Variants in PPFIA3 observed in about 807,000 individuals in gnomAD.
The protein encoded by PPFIA3 is PPFI scaffold protein A3.
In PPFIA3, 26 loss-of-function variants were observed where a neutral mutation model predicts 145.8. The ratio of observed to expected loss-of-function variants is 0.18; its 90% confidence interval spans 0.13 to 0.25. The LOEUF (loss-of-function observed/expected upper bound fraction) is 0.25, where lower values mean the gene tolerates loss of function less well. PPFIA3 is among the 10% of genes least tolerant of loss of function. The pLI is 1.00. For synonymous variants in PPFIA3, 645 were observed against 661.4 expected (o/e 0.98, Z 0.38); for missense variants, 1,008 against 1,587.8 (o/e 0.63, Z 6.21).
Position 49,149,833 on chromosome 19 carries a change from A to T in PPFIA3, c.3526+115A>T, listed in dbSNP as rs1356524704. 7.6e-7 allele frequency: 1 copy of T among 1,321,468 alleles called. No homozygotes were observed. The highest frequency in any genetic ancestry group is 1.5e-5 in the African/African-American group (1 of 67,972). The allele number at this position is 1,321,468 out of a possible 1,614,324, so 81.9% of individuals were successfully genotyped here. ...GTCCTTTCTCGCCCACCCCTGAGGA[A>T]TGGACTGCTCCAACGTTCCGGACTC... On this transcript the variant is annotated intron_variant, in intron 28 of 29. Coordinates refer to ENST00000334186, the MANE Select transcript of PPFIA3 (RefSeq NM_003660.4). The surrounding 1 kb of genome is among the most constrained non-coding windows in gnomAD (Gnocchi z 5.7).
chr19:49,150,129 T>C lies in PPFIA3; in HGVS notation c.3576T>C (p.Tyr1192=). The C allele has an allele frequency of 6.2e-7, 1 of 1,610,362 alleles. No individual in the cohort carries two copies. The highest frequency in any genetic ancestry group is 8.5e-7 in the Non-Finnish European group (1 of 1,178,714). ...CAGACGGCGTTTCGGTCCGGACCTATTCCTGCTAGTGCAGGCCTCCAGGTG... is the reference window on the plus strand; with the variant it reads ...CAGACGGCGTTTCGGTCCGGACCTACTCCTGCTAGTGCAGGCCTCCAGGTG... The part of the protein sequence containing the change: ...SRADGVSVRT[Y]SC Residue 1192 remains tyrosine (Y), a synonymous_variant, in exon 29 of 30, where the codon TAT becomes TAC. Coordinates refer to ENST00000334186, the MANE Select transcript of PPFIA3 (RefSeq NM_003660.4).
intron 7 of PPFIA3, among the ~76,000 whole-genome samples, chr19:49,131,685 G>C (rs968205307): frequency 6.6e-6 from 1 of 151,852 alleles, no homozygotes; most frequent in African/African-American, 2.4e-5. Flanking sequence ...AGCCGGGCGT[G>C]GTGGTGGGTG....
At chr19:49,131,692 G>A (rs1361028900) in intron 7 of PPFIA3, among the ~76,000 whole-genome samples, 1 of 151,732 alleles carries the variant, frequency 6.6e-6, no homozygotes, top group African/African-American at 2.4e-5. Context: ...CGTGGTGGTG[G>A]GTGCCTTTAG....
intron 22 of PPFIA3, 68 bp downstream of exon 22, chr19:49,146,073 A>C: frequency 6.2e-7 from 1 of 1,607,458 alleles, no homozygotes; most frequent in Non-Finnish European, 8.5e-7. Context: ...GCGGGGACCG[A>C]GTCTGTGGCC....
chr19:49,134,264 G>A, intron 11 of PPFIA3, 99 bp downstream of exon 11: 1 of 1,477,012 alleles, frequency 6.8e-7, no homozygotes, highest in Non-Finnish European at 9.1e-7. Flanking sequence ...TGTTATCGGA[G>A]GCCTCCCTAA....
chr19:49,132,104 A>G (rs995151368), intron 7 of PPFIA3, among the ~76,000 whole-genome samples: 8 of 151,252 alleles, frequency 5.3e-5, no homozygotes, highest in Non-Finnish European at 1.2e-4. Context: ...ACTGCACTCC[A>G]GCCAGAGTGC....
chr19:49,122,974 G>A (rs990513893), intron 1 of PPFIA3, among the ~76,000 whole-genome samples: 3 of 151,922 alleles, frequency 2.0e-5, no homozygotes, highest in Admixed American at 6.6e-5. Context: ...ACCTGCCTCT[G>A]CCTCCCAAAG....
At chr19:49,129,536 G>C in intron 5 of PPFIA3, 82 bp downstream of exon 5, 1 of 1,436,384 alleles carries the variant, frequency 7.0e-7, no homozygotes, top group Non-Finnish European at 9.5e-7. Flanking sequence ...CGGTTGGGTG[G>C]GTTCCAGAGA....
At position 49,133,227 on chromosome 19, in the gene PPFIA3, C is replaced by T. The variant is rs1435748861; in HGVS notation, c.1027-10C>T. 1 of 1,597,684 alleles carries T rather than the reference C, an allele frequency of 6.3e-7. No homozygotes were observed. The highest frequency in any genetic ancestry group is 8.5e-7 in the Non-Finnish European group (1 of 1,170,688). ...AGCCCGTCCCCTCCCCCTGCCTCTC[C>T]CTCCCCCAGAGTGAAGAGAAGAGCC... On this transcript the variant is annotated splice_polypyrimidine_tract_variant and intron_variant, in intron 8 of 29. Transcript: ENST00000334186. This position sits in a 1 kb window ranked among gnomAD's most constrained non-coding sequence, Gnocchi z 7.2.
chr19:49,127,246 G>C (rs1000394593), intron 1 of PPFIA3, among the ~76,000 whole-genome samples: 6 of 151,696 alleles, frequency 4.0e-5, no homozygotes, highest in Non-Finnish European at 7.4e-5. Context: ...GCTGGGCATG[G>C]TGGCGGGTTC....
chr19:49,148,613 C>A, intron 24 of PPFIA3, 53 bp from the exon 25 acceptor site: 1 of 1,385,872 alleles, frequency 7.2e-7, no homozygotes, highest in Non-Finnish European at 1.0e-6. Flanking sequence ...GTAGGAGCAG[C>A]AGTCTAGGGG....
In PPFIA3 at chr19:49,149,803, G is replaced by A; in HGVS notation, c.3526+85G>A. ...CCTCAGTAGTCCGGGTTCTGGAATGGCCTAGTCCTTTCTCGCCCACCCCTG... is the reference window on the plus strand; with the variant it reads ...CCTCAGTAGTCCGGGTTCTGGAATGACCTAGTCCTTTCTCGCCCACCCCTG... On this transcript the variant is annotated intron_variant, in intron 28 of 29. Transcript: ENST00000334186. This position sits in a 1 kb window ranked among gnomAD's most constrained non-coding sequence, Gnocchi z 5.7. The A allele has an allele frequency of 2.0e-6, 3 of 1,478,166 alleles. No individual in the cohort carries two copies. In the South Asian group the frequency reaches 4.0e-5, roughly 20 times the overall value. The allele number at this position is 1,478,166 out of a possible 1,614,324, so 91.6% of individuals were successfully genotyped here.
Position 49,150,163 on chromosome 19 carries a change from G to A in PPFIA3, c.*13+12G>A, listed in dbSNP as rs1219449090. On this transcript the variant is annotated intron_variant, in intron 29 of 29. Transcript: ENST00000334186. Reference sequence around the variant, plus strand: ...GTGCAGGCCTCCAGGTGAGGACCGTGCTGGGCGACCTTGGGGGTGCGGGGC... The same window carrying A: ...GTGCAGGCCTCCAGGTGAGGACCGTACTGGGCGACCTTGGGGGTGCGGGGC... The A allele has an allele frequency of 1.9e-6, 3 of 1,601,166 alleles. No homozygotes were observed. Among genetic ancestry groups the A allele is most frequent in the African/African-American group, 2.7e-5 (2 of 74,996 alleles).
In PPFIA3 at chr19:49,149,348, G is replaced by A. The variant is rs776934365; in HGVS notation, c.3354+23G>A. The A allele has an allele frequency of 8.1e-6, 13 of 1,613,242 alleles. No individual in the cohort carries two copies. Among genetic ancestry groups the A allele is most frequent in the African/African-American group, 1.3e-5 (1 of 74,898 alleles). Reference sequence around the variant, plus strand: ...GAGGTGGGCGCGGCAACAGCTCAGAGGGCTCTGCTCCCAGCGGCTCCTCGA... The same window carrying A: ...GAGGTGGGCGCGGCAACAGCTCAGAAGGCTCTGCTCCCAGCGGCTCCTCGA... On this transcript the variant is annotated intron_variant, in intron 27 of 29. Coordinates refer to ENST00000334186, the MANE Select transcript of PPFIA3 (RefSeq NM_003660.4). The surrounding 1 kb of genome is among the most constrained non-coding windows in gnomAD (Gnocchi z 5.7).
intron 18 of PPFIA3, among the ~76,000 whole-genome samples, chr19:49,141,165 C>G (rs1441191963): frequency 1.3e-5 from 2 of 152,276 alleles, no homozygotes; most frequent in African/African-American, 4.8e-5. Context: ...TTCTGCCTCC[C>G]CAAGGAGCCG....
chr19:49,138,458 AGG>A, intron 16 of PPFIA3, 31 bp downstream of exon 16: 1 of 1,475,018 alleles, frequency 6.8e-7, no homozygotes, highest in Non-Finnish European at 9.0e-7. Context: ...CCAGCCTAGT[AGG>A]GGGATGGGGA....
At chr19:49,129,955 G>A in intron 5 of PPFIA3, 38 bp from the exon 6 acceptor site, 2 of 1,600,924 alleles carry the variant, frequency 1.2e-6, no homozygotes, top group Non-Finnish European at 1.7e-6. Context: ...GGGGGTTCAG[G>A]GAGCCCCTGT....
intron 1 of PPFIA3, among the ~76,000 whole-genome samples, chr19:49,121,549 G>A (rs983961162): frequency 3.9e-5 from 6 of 152,108 alleles, no homozygotes; most frequent in African/African-American, 1.4e-4. Context: ...GGCTGAAGCG[G>A]GCGGATCACC....
At chr19:49,129,896 T>C (rs1455475964) in intron 5 of PPFIA3, 97 bp from the exon 6 acceptor site, 1 of 1,317,208 alleles carries the variant, frequency 7.6e-7, no homozygotes, top group Non-Finnish European at 1.1e-6. Context: ...GCATCTCATA[T>C]GGGGCCGCCT....
Sources: allele counts gnomAD v4.1 joint callset (sites outside exome capture counted in the v4.1 genomes callset), GRCh38; gene constraint gnomAD v4.1.1; non-coding constraint Gnocchi (gnomAD v3.1); transcripts MANE v1.5; gene names NCBI Gene and HGNC (gene_info 2026-07-23, HGNC 2026-07-21).